The following NWD2 variants were observed in gnomAD, a reference collection of about 807,000 sequenced individuals.
The protein encoded by NWD2 is NACHT and WD repeat domain containing 2, also known as NACHT and WD repeat domain-containing protein 2.
NWD2 carries 37 observed loss-of-function variants against 132.7 expected under a neutral mutation model. The ratio of observed to expected loss-of-function variants is 0.28; its 90% CI spans 0.21 to 0.37. The LOEUF is 0.37. NWD2 is among the 10% of genes least tolerant of loss of function. The pLI, the probability that NWD2 is intolerant of heterozygous loss-of-function variation, is 1.00. For synonymous variants in NWD2, 705 were observed against 803.0 expected (o/e 0.88, Z 2.06); for missense variants, 1,592 against 2,122.4 (o/e 0.75, Z 4.91).
chr4:37,262,958 A>G (rs1656191), intron 1 of NWD2, among the ~76,000 whole-genome samples: 92,929 of 151,860 alleles, frequency 0.61, 29,587 homozygotes, highest in Non-Finnish European at 0.71. Flanking sequence ...TATTTGAGAG[A>G]GGAAATGAAG....
rs192258648 is a variant in NWD2 at position 37,437,370 on chromosome 4, A to T, written c.707-1431A>T. ...CTGAGATCTCTTTTATATGAACACGACTTTCATTCATAAAGGCTCTGCCCT... is the reference window on the plus strand; with the variant it reads ...CTGAGATCTCTTTTATATGAACACGTCTTTCATTCATAAAGGCTCTGCCCT... On this transcript the variant is annotated intron_variant, in intron 5 of 6. Transcript: ENST00000309447. 2.6e-4 allele frequency among the ~76,000 whole-genome samples: 40 copies of T among 152,230 alleles called. 1 individual carries two copies. The highest frequency in any genetic ancestry group is 2.1e-3 in the Admixed American group (32 of 15,284).
At chr4:37,326,121 G>A (rs1719168516) in intron 2 of NWD2, 97 bp downstream of exon 2, 10 of 724,286 alleles carry the variant, frequency 1.4e-5, no homozygotes, top group Non-Finnish European at 1.8e-5. Context: ...ACAAGTTTTA[G>A]GCCCTGAAAA....
At chr4:37,363,977 A>AT (rs1159718385) in intron 3 of NWD2, among the ~76,000 whole-genome samples, 7 of 150,964 alleles carry the variant, frequency 4.6e-5, no homozygotes, top group Non-Finnish European at 1.0e-4. Flanking sequence ...ACAAAAAAAA[A>AT]AAAAATTAGC....
intron 1 of NWD2, among the ~76,000 whole-genome samples, chr4:37,253,586 T>C (rs1340106436): frequency 6.6e-6 from 1 of 152,130 alleles, no homozygotes; most frequent in African/African-American, 2.4e-5. Context: ...TCACAGCCCA[T>C]TACCTCATAT....
At chr4:37,332,770 G>A (rs1719320726) in intron 2 of NWD2, among the ~76,000 whole-genome samples, 1 of 152,152 alleles carries the variant, frequency 6.6e-6, no homozygotes, top group East Asian at 1.9e-4. Flanking sequence ...GTAGGGTAGA[G>A]CACCAAGCGG....
intron 1 of NWD2, among the ~76,000 whole-genome samples, chr4:37,286,395 A>G (rs1718230957): frequency 6.6e-6 from 1 of 152,234 alleles, no homozygotes; most frequent in South Asian, 2.1e-4. Context: ...CTTTCTTGCC[A>G]TGCATGCTAC....
chr4:37,397,091 CCA>C (rs1720806491), intron 3 of NWD2, among the ~76,000 whole-genome samples: 1 of 152,000 alleles, frequency 6.6e-6, no homozygotes, highest in African/African-American at 2.4e-5. Flanking sequence ...TCTCCAGTCT[CCA>C]GTCTTCAGTG....
chr4:37,363,894 C>T (rs781391917), intron 3 of NWD2, among the ~76,000 whole-genome samples: 3 of 151,170 alleles, frequency 2.0e-5, no homozygotes, highest in East Asian at 1.9e-4. Context: ...GAGGCCAAGG[C>T]GGGTGGATCA....
rs57261789 is a variant in NWD2, at chr4:37,410,386, C to T, written c.358-20186C>T. ...TGTGATAAAACACACTTTAAACCAA[C>T]AAAGAACGAAAGAGAAAAAGCCATT... On this transcript the variant is annotated intron_variant, in intron 3 of 6. Coordinates refer to ENST00000309447, the MANE Select transcript of NWD2 (RefSeq NM_001144990.2). Among the ~76,000 whole-genome samples, 383 of 152,174 alleles carry T rather than the reference C, an allele frequency of 2.5e-3. 5 individuals are homozygous for T. Among genetic ancestry groups the T allele is most frequent in the African/African-American group, 8.9e-3 (370 of 41,530 alleles).
At chr4:37,375,758 G>A (rs1230067615) in intron 3 of NWD2, among the ~76,000 whole-genome samples, 6 of 151,984 alleles carry the variant, frequency 3.9e-5, no homozygotes, top group Non-Finnish European at 5.9e-5. Context: ...TAGTAGAGAC[G>A]GGGTTTCACC....
intron 3 of NWD2, among the ~76,000 whole-genome samples, chr4:37,386,757 A>G (rs1720572007): frequency 6.6e-6 from 1 of 151,994 alleles, no homozygotes; most frequent in African/African-American, 2.4e-5. Flanking sequence ...ACCTAGTGGG[A>G]GGTGTTCATG....
chr4:37,376,019 GTATT>G (rs1243634871), intron 3 of NWD2, among the ~76,000 whole-genome samples: 5 of 152,126 alleles, frequency 3.3e-5, no homozygotes, highest in African/African-American at 1.2e-4. Flanking sequence ...GAACTGTTAT[GTATT>G]TAAACATTCC....
chr4:37,345,389 T>A (rs1291315482), intron 2 of NWD2, among the ~76,000 whole-genome samples: 1 of 152,202 alleles, frequency 6.6e-6, no homozygotes, highest in East Asian at 1.9e-4. Context: ...CTTGTAATTA[T>A]CAGTCTTTTT....
chr4:37,430,656 A>G lies in NWD2; in HGVS notation c.442A>G (p.Ile148Val). ...SEFEMILDAA[I>V]EAKLETKLLE... ...GTTTGAAATGATTTTGGATGCCGCCATAGAGGCAAAGCTGGAGACCAAGTT... is the reference window on the plus strand; with the variant it reads ...GTTTGAAATGATTTTGGATGCCGCCGTAGAGGCAAAGCTGGAGACCAAGTT... Residue 148 changes from isoleucine (I) to valine (V), a missense_variant, in exon 4 of 7, where the codon ATA becomes GTA. Transcript: ENST00000309447. 1 of 1,551,584 alleles carries G rather than the reference A, an allele frequency of 6.4e-7. No individual in the cohort carries two copies. The highest frequency in any genetic ancestry group is 8.7e-7 in the Non-Finnish European group (1 of 1,146,876).
At chr4:37,440,050 C>T (rs1202389401) in intron 6 of NWD2, among the ~76,000 whole-genome samples, 1 of 140,992 alleles carries the variant, frequency 7.1e-6, no homozygotes, top group East Asian at 2.0e-4. Flanking sequence ...TTAAAGCTGC[C>T]TCCCATCTCT....
chr4:37,361,227 A>C (rs1230011249), intron 3 of NWD2, among the ~76,000 whole-genome samples: 1 of 152,128 alleles, frequency 6.6e-6, no homozygotes, highest in Non-Finnish European at 1.5e-5. Context: ...ACATTCACAG[A>C]CAAATTCCAC....
intron 3 of NWD2, among the ~76,000 whole-genome samples, chr4:37,357,767 A>T (rs1719899768): frequency 6.6e-6 from 1 of 152,168 alleles, no homozygotes; most frequent in African/African-American, 2.4e-5. Flanking sequence ...TATGGAGAAA[A>T]ATAGAGAAAT....
At chr4:37,340,253 T>A (rs1719492108) in intron 2 of NWD2, among the ~76,000 whole-genome samples, 1 of 152,186 alleles carries the variant, frequency 6.6e-6, no homozygotes, top group African/African-American at 2.4e-5. Context: ...TGCAGAGCTG[T>A]TCTGTGTATC....
chr4:37,262,849 A>G (rs1406383986), intron 1 of NWD2, among the ~76,000 whole-genome samples: 5 of 152,152 alleles, frequency 3.3e-5, no homozygotes, highest in Non-Finnish European at 7.3e-5. Context: ...TGGTCTCTGG[A>G]TGCTAGAACA....
Sources: gnomAD v4.1 joint callset for allele counts (sites outside exome capture counted in the v4.1 genomes callset) on GRCh38, gnomAD v4.1.1 for gene constraint, MANE v1.5 for transcripts, NCBI Gene and HGNC (gene_info 2026-07-23, HGNC 2026-07-21) for gene names.